The following RET variants were observed in gnomAD, a reference collection of about 807,000 sequenced individuals.
RET encodes ret proto-oncogene.
Under a neutral mutation model 118.3 loss-of-function variants are expected in RET, and 19 were observed. The observed-to-expected ratio is 0.16, with a 90% CI of 0.11 to 0.24. The LOEUF (loss-of-function observed/expected upper bound fraction) is 0.24. Ranked by LOEUF, RET falls within the 10% of genes least tolerant of loss-of-function variation. RET has a pLI of 1.00. For missense variants in RET, 1,219 were observed against 1,502.1 expected, an observed-to-expected ratio of 0.81 and a Z score of 3.12; for synonymous variants, 597 against 644.1, an observed-to-expected ratio of 0.93 and a Z score of 1.11.
chr10:43,098,075 T>A (rs947910425), intron 1 of RET, among the ~76,000 whole-genome samples: 2 of 152,252 alleles, frequency 1.3e-5, no homozygotes, highest in Admixed American at 1.3e-4. Flanking sequence ...CGATTTTTTA[T>A]TGTGGAAAAA....
Position 43,126,591 on chromosome 10 carries a change from C to T in RET, c.3056C>T (p.Ala1019Val), listed in dbSNP as rs1371891301. 18 of 1,613,972 alleles carry T rather than the reference C, an allele frequency of 1.1e-5. No individual in the cohort carries two copies. The South Asian group carries it at 1.3e-4, about 12-fold the overall frequency. ...GTCTTCCAGGACTACTTGGACCTTG[C>T]GGCGTCCACTCCATCTGACTCCCTG... ...MVKRRDYLDLAASTPSDSLIY... is the reference protein window; with the variant it reads ...MVKRRDYLDLVASTPSDSLIY... The change falls in exon 19 of 20, where the codon GCG becomes GTG. Residue 1019 changes from alanine to valine, a missense_variant. Ala to Val is a moderately conservative substitution (Grantham distance 64). Transcript: ENST00000355710.
intron 16 of RET, 37 bp downstream of exon 16, chr10:43,122,053 C>T (rs749072313): frequency 6.6e-7 from 1 of 1,515,100 alleles, no homozygotes; most frequent in South Asian, 1.1e-5. Context: ...GTGGAGGTTA[C>T]AGAAACACCC....
chr10:43,085,732 C>G (rs1837275977), intron 1 of RET, among the ~76,000 whole-genome samples: 1 of 152,172 alleles, frequency 6.6e-6, no homozygotes, highest in African/African-American at 2.4e-5. Context: ...GGCACCACTT[C>G]CCTGGGCATC....
In RET at chr10:43,105,150, G is replaced by T. The variant is rs143209223; in HGVS notation, c.824G>T (p.Gly275Val). Reference sequence around the variant, plus strand: ...GACTCGGCGCCCACCTTCCCCGCGGGCGTCGACACCGCCAGCGCCGTGGTG... The same window carrying T: ...GACTCGGCGCCCACCTTCCCCGCGGTCGTCGACACCGCCAGCGCCGTGGTG... ...EDDSAPTFPA[G>V]VDTASAVVEF... Residue 275 changes from glycine to valine, a missense_variant, in exon 4 of 20, where the codon GGC becomes GTC. By Grantham distance (109) the Gly-to-Val change is moderately radical. Transcript: ENST00000355710. 6.2e-7 allele frequency: 1 copy of T among 1,612,636 alleles called. No homozygotes were observed. The highest frequency in any genetic ancestry group is 1.3e-5 in the African/African-American group (1 of 74,926).
intron 1 of RET, among the ~76,000 whole-genome samples, chr10:43,086,963 A>G (rs911769210): frequency 1.3e-5 from 2 of 152,208 alleles, no homozygotes; most frequent in African/African-American, 4.8e-5. Context: ...AACCTCAGCC[A>G]TGCCTGGACC....
intron 17 of RET, among the ~76,000 whole-genome samples, chr10:43,124,141 G>A (rs1284565366): frequency 6.6e-6 from 1 of 152,116 alleles, no homozygotes; most frequent in Non-Finnish European, 1.5e-5. Context: ...CGTGTTAAGG[G>A]GTGCCTGAGT....
At chr10:43,079,515 G>A (rs971509135) in intron 1 of RET, among the ~76,000 whole-genome samples, 66 of 152,208 alleles carry the variant, frequency 4.3e-4, no homozygotes, top group Admixed American at 3.0e-3. Context: ...AGCTGTCCCC[G>A]TTGCTTGGAT....
At position 43,109,155 on chromosome 10, in the gene RET, G is replaced by A. The variant is rs758510657; in HGVS notation, c.1188G>A (p.Ser396=). ...TCCTCTTGCTCCACTTCAACGTGTCGGTGCTGCCGGTCAGCCTGCACCTGC... is the reference window on the plus strand; with the variant it reads ...TCCTCTTGCTCCACTTCAACGTGTCAGTGCTGCCGGTCAGCCTGCACCTGC... ...AGVLLLHFNV[S]VLPVSLHLPS... The change falls in exon 6 of 20, where the codon TCG becomes TCA. Residue 396 remains serine (S), a synonymous_variant. Transcript: ENST00000355710. 1.7e-5 allele frequency: 28 copies of A among 1,613,698 alleles called. No homozygotes were observed. Among genetic ancestry groups the A allele is most frequent in the African/African-American group, 2.7e-5 (2 of 74,912 alleles).
rs528373056 is a variant in RET, at chr10:43,126,072, AC to A, written c.3040-502del. Among the ~76,000 whole-genome samples the A allele has an allele frequency of 6.6e-5, 10 of 152,118 alleles. No homozygotes were observed. The East Asian group carries it at 1.9e-3, about 29-fold the overall frequency. On this transcript the variant is annotated intron_variant, in intron 18 of 19. Transcript: ENST00000355710. ...CCTGACAGCGCTGTCAGATTTCAGA[AC>A]TCAGCCCTGACGTGACGTTCTAGAT...
chr10:43,105,280 C>T, intron 4 of RET, 87 bp downstream of exon 4: 1 of 1,587,302 alleles, frequency 6.3e-7, no homozygotes, highest in South Asian at 1.1e-5. Context: ...CGTGTAGCCA[C>T]CCAACCGTGT....
chr10:43,119,534 C>T lies in RET; in HGVS notation c.2396C>T (p.Pro799Leu), dbSNP rs2132942152. ...KLYGACSQDG[P>L]LLLIVEYAKY... is the part of the protein sequence containing the mutation. ...GGCCCCCTCTCTCCGCCCCCAGGCC[C>T]GCTCCTCCTCATCGTGGAGTACGCC... Residue 799 changes from proline to leucine, a missense_variant, in exon 14 of 20, where the codon CCG becomes CTG. Coordinates refer to ENST00000355710, the MANE Select transcript of RET (RefSeq NM_020975.6). 1.9e-6 allele frequency: 3 copies of T among 1,597,098 alleles called. No individual in the cohort carries two copies. Among genetic ancestry groups the T allele is most frequent in the Admixed American group, 1.7e-5 (1 of 58,568 alleles).
rs758171346 is a variant in RET, at chr10:43,128,286, G to T, written c.*17G>T. The T allele has an allele frequency of 4.3e-6, 7 of 1,613,830 alleles. No individual in the cohort carries two copies. The Admixed American group carries it at 1.0e-4, about 23-fold the overall frequency. On this transcript the variant is annotated 3_prime_UTR_variant, in exon 20 of 20. Coordinates refer to ENST00000355710, the MANE Select transcript of RET (RefSeq NM_020975.6). ...GATAGTTAACATTTCTTTGTGAAAG[G>T]TAATGGACTCACAAGGGGAAGAAAC...
chr10:43,123,391 T>G (rs982389670), intron 16 of RET, among the ~76,000 whole-genome samples: 8 of 152,242 alleles, frequency 5.3e-5, no homozygotes, highest in African/African-American at 1.9e-4. Flanking sequence ...GAATTCATCT[T>G]AAGCCTCATG....
chr10:43,122,062 C>G (rs552613663), intron 16 of RET, 46 bp downstream of exon 16: 3 of 1,482,530 alleles, frequency 2.0e-6, no homozygotes, highest in African/African-American at 2.8e-5. Flanking sequence ...ACAGAAACAC[C>G]CTTATACATG....
chr10:43,091,295 C>T (rs980150350), intron 1 of RET, among the ~76,000 whole-genome samples: 1 of 152,072 alleles, frequency 6.6e-6, no homozygotes, highest in Non-Finnish European at 1.5e-5. Flanking sequence ...TAGAGAACTC[C>T]TCACACTCAA....
chr10:43,112,371 CA>C, intron 8 of RET, 147 bp downstream of exon 8: 4 of 1,239,408 alleles, frequency 3.2e-6, no homozygotes, highest in Non-Finnish European at 4.6e-6. Flanking sequence ...TCGATGCCAG[CA>C]TAGCGGGCAG....
At position 43,077,175 on chromosome 10, in the gene RET, G is replaced by C. The variant is rs1316888566; in HGVS notation, c.-84G>C. 2 of 1,365,650 alleles carry C rather than the reference G, an allele frequency of 1.5e-6. No individual in the cohort carries two copies. Among genetic ancestry groups the C allele is most frequent in the African/African-American group, 3.0e-5 (2 of 66,044 alleles). The allele number at this position is 1,365,650 out of a possible 1,614,324, so 84.6% of individuals were successfully genotyped here. A position where few individuals can be genotyped will look rare whatever the true frequency, so the allele number is the denominator to read the frequency against. On this transcript the variant is annotated 5_prime_UTR_variant, in exon 1 of 20. Transcript: ENST00000355710. ...CCGCGCCCCGGGCGGGGATGGGGCG[G>C]CCAGACTGAGCGCCGCACCCGCCAT...
intron 4 of RET, among the ~76,000 whole-genome samples, chr10:43,105,891 G>A (rs1837761941): frequency 1.3e-5 from 2 of 152,136 alleles, no homozygotes. Flanking sequence ...GGTGCCCAGC[G>A]GCTTTCCTCA....
chr10:43,094,595 A>G (rs931562708), intron 1 of RET, among the ~76,000 whole-genome samples: 3 of 152,098 alleles, frequency 2.0e-5, no homozygotes, highest in Non-Finnish European at 2.9e-5. Context: ...GTGCCCCATC[A>G]GAGCTGCCGG....
Sources: gnomAD v4.1 joint callset for allele counts (sites outside exome capture counted in the v4.1 genomes callset) on GRCh38, gnomAD v4.1.1 for gene constraint, MANE v1.5 for transcripts, NCBI Gene and HGNC (gene_info 2026-07-23, HGNC 2026-07-21) for gene names.